TENM2: variants seen among roughly 807,000 people sequenced by gnomAD.
TENM2 encodes the protein teneurin transmembrane protein 2.
TENM2 carries 52 observed loss-of-function variants against 245.2 expected under a neutral mutation model. That is an observed-to-expected ratio of 0.21 (90% CI 0.17 to 0.27). The LOEUF is 0.27. Ranked by LOEUF, TENM2 falls within the 10% of genes least tolerant of loss-of-function variation. The pLI is 1.00. For missense variants in TENM2, 3,046 were observed against 3,666.8 expected (o/e 0.83, Z 4.37); for synonymous variants, 1,363 against 1,438.9 (o/e 0.95, Z 1.19).
chr5:167,477,805 G>T (rs1159318717), intron 2 of TENM2, among the ~76,000 whole-genome samples: 2 of 151,834 alleles, frequency 1.3e-5, no homozygotes, highest in Non-Finnish European at 2.9e-5. Flanking sequence ...CAGATAGACA[G>T]ATAGATAATA....
At chr5:168,183,582 C>A (rs768432746) in intron 13 of TENM2, among the ~76,000 whole-genome samples, 1 of 152,174 alleles carries the variant, frequency 6.6e-6, no homozygotes, top group Non-Finnish European at 1.5e-5. Flanking sequence ...CCCTCCAGGA[C>A]CCCTGCACCT....
chr5:167,227,790 C>A, the TENM2 span, among the ~76,000 whole-genome samples: 1 of 152,156 alleles, frequency 6.6e-6, no homozygotes, highest in Non-Finnish European at 1.5e-5. Context: ...ATCTGGATGT[C>A]TAAATGTCTT....
chr5:167,379,766 A>C (rs1033570098), intron 2 of TENM2, among the ~76,000 whole-genome samples: 4 of 152,152 alleles, frequency 2.6e-5, no homozygotes, highest in African/African-American at 9.6e-5. Flanking sequence ...AGTGGTAAGA[A>C]TAGTGAAAGA....
chr5:167,581,913 T>C (rs1036539368), intron 2 of TENM2, among the ~76,000 whole-genome samples: 3 of 151,362 alleles, frequency 2.0e-5, no homozygotes, highest in South Asian at 4.2e-4. Flanking sequence ...ATCAAAAACA[T>C]TGAGAGAGAA....
chr5:167,133,060 G>A, the TENM2 span, among the ~76,000 whole-genome samples: 1 of 152,204 alleles, frequency 6.6e-6, no homozygotes, highest in East Asian at 1.9e-4. Flanking sequence ...TCACAGGGAC[G>A]TGTGGCCTAG....
chr5:167,214,851 C>G, the TENM2 span, among the ~76,000 whole-genome samples: 10 of 152,188 alleles, frequency 6.6e-5, no homozygotes, highest in African/African-American at 2.4e-4. Context: ...GGGCTTTCCG[C>G]ATATTGCCTG....
intron 2 of TENM2, among the ~76,000 whole-genome samples, chr5:167,617,792 T>TA (rs1386319142): frequency 2.0e-5 from 3 of 152,102 alleles, no homozygotes; most frequent in Admixed American, 6.6e-5. Context: ...AATGGTTAAG[T>TA]AAAAAAAGAA....
chr5:167,113,139 G>C, the TENM2 span, among the ~76,000 whole-genome samples: 116 of 152,146 alleles, frequency 7.6e-4, 1 homozygote, highest in Non-Finnish European at 1.3e-3. Context: ...CACTGCCCGG[G>C]AGTTGTTATT....
At chr5:167,298,311 A>G (rs891882974) in intron 1 of TENM2, among the ~76,000 whole-genome samples, 3 of 152,198 alleles carry the variant, frequency 2.0e-5, no homozygotes, top group Admixed American at 2.0e-4. Context: ...ATGAATTGAA[A>G]AACTAAATGG....
chr5:167,435,295 G>A (rs995677714), intron 2 of TENM2, among the ~76,000 whole-genome samples: 46 of 152,290 alleles, frequency 3.0e-4, no homozygotes, highest in African/African-American at 1.0e-3. Context: ...TGTTGTAGGA[G>A]GAACCTGGTG....
chr5:167,414,268 A>C (rs1053672721), intron 2 of TENM2, among the ~76,000 whole-genome samples: 2 of 152,180 alleles, frequency 1.3e-5, no homozygotes, highest in Admixed American at 1.3e-4. Context: ...CTCTAAGTGC[A>C]TGAAATGATC....
intron 2 of TENM2, among the ~76,000 whole-genome samples, chr5:167,560,761 C>CA (rs1773533273): frequency 1.3e-5 from 2 of 152,198 alleles, no homozygotes. Flanking sequence ...TCATTTCAGC[C>CA]AGTAGGTTCT....
chr5:167,650,673 T>C (rs1289067707), intron 2 of TENM2, among the ~76,000 whole-genome samples: 1 of 152,142 alleles, frequency 6.6e-6, no homozygotes, highest in African/African-American at 2.4e-5. Context: ...GAACTGATAC[T>C]TGAGAAGCAG....
intron 1 of TENM2, among the ~76,000 whole-genome samples, chr5:167,319,949 C>T (rs1275834993): frequency 6.6e-6 from 1 of 152,106 alleles, no homozygotes; most frequent in East Asian, 1.9e-4. Context: ...TTATTAAAAC[C>T]TCTGGTGTAT....
At chr5:167,336,525 A>G (rs547265489) in intron 1 of TENM2, among the ~76,000 whole-genome samples, 1 of 152,128 alleles carries the variant, frequency 6.6e-6, no homozygotes, top group African/African-American at 2.4e-5. Context: ...TAAAAATCAC[A>G]TGTCAGAAGT....
intron 2 of TENM2, among the ~76,000 whole-genome samples, chr5:167,512,788 C>A (rs377350032): frequency 3.3e-5 from 5 of 152,020 alleles, no homozygotes; most frequent in South Asian, 2.1e-4. Flanking sequence ...TATGTCTGAG[C>A]CTTTTTGGTG....
At chr5:167,511,340 G>A (rs1354232417) in intron 2 of TENM2, among the ~76,000 whole-genome samples, 2 of 152,136 alleles carry the variant, frequency 1.3e-5, no homozygotes, top group East Asian at 3.9e-4. Context: ...GAGGCCTTTA[G>A]GAAGGAGTAG....
the TENM2 span, among the ~76,000 whole-genome samples, chr5:167,278,117 A>G: frequency 3.9e-5 from 6 of 152,064 alleles, no homozygotes; most frequent in East Asian, 9.7e-4. Context: ...TAGCCTTGGC[A>G]ACATGGCAAA....
intron 19 of TENM2, among the ~76,000 whole-genome samples, chr5:168,207,392 C>T (rs557639954): frequency 2.6e-5 from 4 of 152,298 alleles, no homozygotes; most frequent in African/African-American, 9.6e-5. Context: ...GAACAAGTCA[C>T]GCCATGCCCA....
Sources: gnomAD v4.1 joint callset for allele counts (sites outside exome capture counted in the v4.1 genomes callset) on GRCh38, gnomAD v4.1.1 for gene constraint, MANE v1.5 for transcripts, NCBI Gene and HGNC (gene_info 2026-07-23, HGNC 2026-07-21) for gene names.